DESI1: variants seen among roughly 807,000 people sequenced by gnomAD.
The protein encoded by DESI1 is PPPDE peptidase domain containing 2.
In DESI1, 17 loss-of-function variants were observed where a neutral mutation model predicts 22.4. That is an observed-to-expected ratio of 0.76 (90% CI 0.52 to 1.14). The LOEUF (loss-of-function observed/expected upper bound fraction) is 1.14, where lower values mean the gene tolerates loss of function less well. Among genes scored for constraint, DESI1 ranks in the 50% most tolerant of loss-of-function variants. DESI1 has a pLI of 0.00. For missense variants in DESI1, 177 were observed against 208.9 expected, an observed-to-expected ratio of 0.85 and a Z score of 0.94; for synonymous variants, 92 against 84.2, an observed-to-expected ratio of 1.09 and a Z score of -0.51.
chr22:41,609,584 A>G (rs1366897183), intron 1 of DESI1, among the ~76,000 whole-genome samples: 1 of 151,960 alleles, frequency 6.6e-6, no homozygotes, highest in African/African-American at 2.4e-5. Flanking sequence ...ACTTGAAGCC[A>G]GGAGTTCAAG....
intron 3 of DESI1, among the ~76,000 whole-genome samples, chr22:41,606,555 C>T (rs1333829823): frequency 1.3e-5 from 2 of 151,756 alleles, no homozygotes; most frequent in African/African-American, 4.8e-5. Flanking sequence ...GGGCTAATCA[C>T]GAGGTCAGAA....
At chr22:41,609,733 G>A (rs2067504891) in intron 1 of DESI1, among the ~76,000 whole-genome samples, 1 of 151,990 alleles carries the variant, frequency 6.6e-6, no homozygotes, top group African/African-American at 2.4e-5. Context: ...GGGAGGCAGT[G>A]AGCCGAGATT....
intron 1 of DESI1, among the ~76,000 whole-genome samples, chr22:41,611,591 CTTTTT>C (rs132764): frequency 1.1e-4 from 11 of 103,876 alleles, no homozygotes; most frequent in Non-Finnish European, 1.2e-4. Flanking sequence ...CCTGTTCCTT[CTTTTT>C]TTTTTTTTTT....
chr22:41,601,330 C>T, intron 5 of DESI1, 140 bp from the exon 6 acceptor site: 1 of 715,488 alleles, frequency 1.4e-6, no homozygotes, highest in South Asian at 2.0e-5. Context: ...GAAAGAGCAC[C>T]TCGTCACCTC....
intron 2 of DESI1, 105 bp downstream of exon 2, chr22:41,607,735 T>G: frequency 7.6e-7 from 1 of 1,314,680 alleles, no homozygotes; most frequent in Non-Finnish European, 1.1e-6. Flanking sequence ...ATTTATAGCA[T>G]GGAGAGCTAG....
intron 1 of DESI1, among the ~76,000 whole-genome samples, chr22:41,619,008 G>A (rs1430942132): frequency 2.0e-5 from 3 of 151,886 alleles, no homozygotes; most frequent in African/African-American, 4.8e-5. Flanking sequence ...AGCTTGCAGT[G>A]AGCCTAGATC....
intron 5 of DESI1, 76 bp downstream of exon 5, chr22:41,603,181 CCA>C: frequency 1.2e-6 from 2 of 1,601,814 alleles, no homozygotes; most frequent in Middle Eastern, 4.0e-4. Context: ...CAGATGGGGG[CCA>C]GAGGAAGGGC....
At chr22:41,603,640 T>G (rs1469817902) in intron 4 of DESI1, among the ~76,000 whole-genome samples, 1 of 152,206 alleles carries the variant, frequency 6.6e-6, no homozygotes. Flanking sequence ...AGAACTCTGG[T>G]GTTAAGAGTT....
intron 1 of DESI1, among the ~76,000 whole-genome samples, chr22:41,610,015 G>A (rs1403652227): frequency 6.7e-6 from 1 of 150,002 alleles, no homozygotes; most frequent in African/African-American, 2.5e-5. Context: ...AGGAGGCAGA[G>A]GTTGCAGTGA....
intron 1 of DESI1, among the ~76,000 whole-genome samples, chr22:41,618,748 A>C (rs969722523): frequency 9.2e-5 from 14 of 152,200 alleles, no homozygotes; most frequent in Non-Finnish European, 1.6e-4. Flanking sequence ...AAATGGCTCC[A>C]TTCCAAGAAG....
chr22:41,617,074 A>C (rs928841674), intron 1 of DESI1, among the ~76,000 whole-genome samples: 2 of 152,234 alleles, frequency 1.3e-5, no homozygotes, highest in Non-Finnish European at 2.9e-5. Flanking sequence ...TTCTCATCCA[A>C]ACTTGAAACA....
intron 2 of DESI1, 97 bp from the exon 3 acceptor site, chr22:41,607,428 A>C: frequency 8.3e-7 from 1 of 1,212,090 alleles, no homozygotes; most frequent in Non-Finnish European, 1.1e-6. Context: ...GCCCAAGGAT[A>C]GGACTGTGGG....
At chr22:41,607,958 G>A in intron 1 of DESI1, 97 bp from the exon 2 acceptor site, 3 of 1,376,378 alleles carry the variant, frequency 2.2e-6, no homozygotes, top group Non-Finnish European at 2.1e-6. Flanking sequence ...AGGGTAACCT[G>A]TCATAAACCT....
chr22:41,606,813 A>G (rs551532316), intron 3 of DESI1, among the ~76,000 whole-genome samples: 2 of 149,822 alleles, frequency 1.3e-5, no homozygotes, highest in South Asian at 2.1e-4. Flanking sequence ...AAATTTTCGG[A>G]AAAGGGTGTG....
chr22:41,612,032 A>C (rs1034715754), intron 1 of DESI1, among the ~76,000 whole-genome samples: 1 of 152,126 alleles, frequency 6.6e-6, no homozygotes, highest in African/African-American at 2.4e-5. Context: ...TAAACGGTGA[A>C]CTAATGGTTT....
At chr22:41,609,949 G>A (rs1477829063) in intron 1 of DESI1, among the ~76,000 whole-genome samples, 1 of 150,316 alleles carries the variant, frequency 6.7e-6, no homozygotes, top group Non-Finnish European at 1.5e-5. Context: ...GCATGGTAGT[G>A]CATGCCTATA....
In DESI1 at chr22:41,600,954, A is replaced by G. The variant is rs2067446340; in HGVS notation, c.*143T>C. On this transcript the variant is annotated 3_prime_UTR_variant, in exon 6 of 6. Transcript: ENST00000263256. ...AGCAGCATTGTCTACATGCGGCCTGACGGTCTCCTTCCCTGGGAAATTTAA... is the reference window on the plus strand; with the variant it reads ...AGCAGCATTGTCTACATGCGGCCTGGCGGTCTCCTTCCCTGGGAAATTTAA... 1 of 730,562 alleles carries G rather than the reference A, an allele frequency of 1.4e-6. No individual in the cohort carries two copies. Among genetic ancestry groups the G allele is most frequent in the Admixed American group, 2.5e-5 (1 of 40,042 alleles). The allele number at this position is 730,562 out of a possible 1,614,324, so 45.3% of individuals were successfully genotyped here.
rs1460021676 is a variant in DESI1 at position 41,598,882 on chromosome 22, C to T, written c.*2215G>A. ...AGTAGATCACGATTATACAACAGTCCCTGCTAGTTTCTGCTCTAATCTATT... is the reference window on the plus strand; with the variant it reads ...AGTAGATCACGATTATACAACAGTCTCTGCTAGTTTCTGCTCTAATCTATT... On this transcript the variant is annotated 3_prime_UTR_variant, in exon 6 of 6. Coordinates refer to ENST00000263256, the MANE Select transcript of DESI1 (RefSeq NM_015704.3). 6.6e-6 allele frequency: 1 copy of T among 152,216 alleles called. No homozygotes were observed. The highest frequency in any genetic ancestry group is 1.5e-5 in the Non-Finnish European group (1 of 68,056). 9.4% of individuals were successfully genotyped at this position (152,216 alleles called of 1,614,324 possible). A position where few individuals can be genotyped will look rare whatever the true frequency, so the allele number is the denominator to read the frequency against.
intron 3 of DESI1, 47 bp from the exon 4 acceptor site, chr22:41,604,200 G>T: frequency 6.8e-7 from 1 of 1,481,464 alleles, no homozygotes; most frequent in Non-Finnish European, 9.3e-7. Flanking sequence ...CATCTCCACT[G>T]AATGTTTTAA....
Sources: allele counts gnomAD v4.1 joint callset (sites outside exome capture counted in the v4.1 genomes callset), GRCh38; gene constraint gnomAD v4.1.1; transcripts MANE v1.5; gene names NCBI Gene and HGNC (gene_info 2026-07-23, HGNC 2026-07-21).